Variants in NLRP8 observed in about 807,000 individuals in gnomAD.
NLRP8 encodes the protein NACHT, LRR and PYD domains-containing protein 8.
NLRP8 carries 86 observed loss-of-function variants against 88.7 expected under a neutral mutation model. That is an observed-to-expected ratio of 0.97 (90% CI 0.81 to 1.16). The LOEUF is 1.16. NLRP8 is among the 50% of genes most tolerant of loss of function. The pLI is 0.00. For synonymous variants in NLRP8, 504 were observed against 494.6 expected, an observed-to-expected ratio of 1.02 and a Z score of -0.25; for missense variants, 1,342 against 1,286.5, an observed-to-expected ratio of 1.04 and a Z score of -0.66.
Position 55,968,871 on chromosome 19 carries a change from G to A in NLRP8, c.2382-1673G>A, listed in dbSNP as rs971732334. Among the ~76,000 whole-genome samples the A allele has an allele frequency of 2.0e-5, 3 of 152,178 alleles. 1 individual carries two copies. Among genetic ancestry groups the A allele is most frequent in the African/African-American group, 2.4e-5 (1 of 41,454 alleles). ...CTTGCCAGCTCCTGACCACTGCCCT[G>A]GGGCTGCCATTGTCTACCATACCCA... On this transcript the variant is annotated intron_variant, in intron 5 of 9. Coordinates refer to ENST00000291971, the MANE Select transcript of NLRP8 (RefSeq NM_176811.2).
At chr19:55,964,113 G>A (rs1000297570) in intron 4 of NLRP8, among the ~76,000 whole-genome samples, 6 of 152,194 alleles carry the variant, frequency 3.9e-5, no homozygotes, top group African/African-American at 1.4e-4. Context: ...AATTCACCAT[G>A]TGAACCACTG....
intron 5 of NLRP8, among the ~76,000 whole-genome samples, chr19:55,968,268 G>T (rs758029589): frequency 1.3e-5 from 2 of 151,734 alleles, no homozygotes; most frequent in African/African-American, 4.8e-5. Flanking sequence ...GCAAAACCCC[G>T]TCTCTACGAA....
chr19:55,958,232 C>A (rs536746236), intron 3 of NLRP8, among the ~76,000 whole-genome samples: 1 of 152,288 alleles, frequency 6.6e-6, no homozygotes, highest in Non-Finnish European at 1.5e-5. Flanking sequence ...CGAAAAGGAA[C>A]CACAATCTCT....
intron 9 of NLRP8, among the ~76,000 whole-genome samples, chr19:55,983,640 ATT>A (rs1980670948): frequency 6.6e-6 from 1 of 151,866 alleles, no homozygotes; most frequent in South Asian, 2.1e-4. Context: ...AACAGGGTAG[ATT>A]GTGCCTTAGC....
intron 5 of NLRP8, among the ~76,000 whole-genome samples, chr19:55,969,570 T>C (rs551152050): frequency 6.6e-6 from 1 of 152,342 alleles, no homozygotes; most frequent in East Asian, 1.9e-4. Flanking sequence ...TAAACATGCA[T>C]GTGAAAGTGT....
chr19:55,952,558 C>A lies in NLRP8; in HGVS notation c.388C>A (p.Pro130Thr), dbSNP rs142282393. 290 of 1,613,948 alleles carry A rather than the reference C, an allele frequency of 1.8e-4. 1 individual carries two copies. In the East Asian group the frequency reaches 4.8e-3, roughly 27 times the overall value. ...TACAGCCATTCTGCCTACCTTGGAA[C>A]CAGAGGACTTGAATGTGGGAGAAAC... is the stretch of plus-strand genomic sequence containing the variant. Residue 130 changes from proline to threonine, a missense_variant, in exon 2 of 10, where the codon CCA becomes ACA. Physicochemically the swap from Pro to Thr is conservative, Grantham distance 38. Coordinates refer to ENST00000291971, the MANE Select transcript of NLRP8 (RefSeq NM_176811.2).
chr19:55,964,902 G>C lies in NLRP8; in HGVS notation c.2214-1311G>C, dbSNP rs150038174. Among the ~76,000 whole-genome samples, 676 of 152,262 alleles carry C rather than the reference G, an allele frequency of 4.4e-3. 3 individuals are homozygous for C. Among genetic ancestry groups the C allele is most frequent in the African/African-American group, 0.015 (636 of 41,554 alleles). On this transcript the variant is annotated intron_variant, in intron 4 of 9. Coordinates refer to ENST00000291971, the MANE Select transcript of NLRP8 (RefSeq NM_176811.2). ...AAATCGATTATACCTCAAGGAAACT[G>C]TTTTTAAACAACTAATTAGAAAGAA...
chr19:55,976,012 AC>A (rs1980295301), intron 7 of NLRP8, 120 bp from the exon 8 acceptor site: 2 of 990,008 alleles, frequency 2.0e-6, no homozygotes, highest in Non-Finnish European at 2.8e-6. Flanking sequence ...AACAAAACAA[AC>A]AAATAAAAAC....
chr19:55,977,401 T>TTATATGTAAA (rs928942571), intron 8 of NLRP8, among the ~76,000 whole-genome samples: 6 of 121,658 alleles, frequency 4.9e-5, no homozygotes, highest in Non-Finnish European at 8.5e-5. Context: ...TACGAATATA[T>TTATATGTAAA]TATATGTAAA....
chr19:55,958,146 C>G (rs953243993), intron 3 of NLRP8, among the ~76,000 whole-genome samples: 1 of 152,140 alleles, frequency 6.6e-6, no homozygotes, highest in Non-Finnish European at 1.5e-5. Context: ...GCGATTTAGA[C>G]TGACCCCTGG....
chr19:55,968,753 A>C (rs1360457411), intron 5 of NLRP8, among the ~76,000 whole-genome samples: 1 of 152,160 alleles, frequency 6.6e-6, no homozygotes, highest in African/African-American at 2.4e-5. Flanking sequence ...AAAATAAATA[A>C]ATAAAATAAA....
At chr19:55,985,403 T>A (rs575796799) in intron 9 of NLRP8, among the ~76,000 whole-genome samples, 33 of 152,076 alleles carry the variant, frequency 2.2e-4, no homozygotes, top group Middle Eastern at 6.8e-3. Context: ...ATTGGAGAAA[T>A]ATACTAGGGA....
intron 9 of NLRP8, among the ~76,000 whole-genome samples, chr19:55,986,639 C>T (rs1330414935): frequency 6.6e-6 from 1 of 152,222 alleles, no homozygotes; most frequent in Non-Finnish European, 1.5e-5. Context: ...CAGAAAAGTG[C>T]CTGTTCCCTG....
At chr19:55,961,505 A>T (rs1372289251) in intron 3 of NLRP8, among the ~76,000 whole-genome samples, 2 of 152,188 alleles carry the variant, frequency 1.3e-5, no homozygotes, top group African/African-American at 4.8e-5. Context: ...TCATGTAATT[A>T]AAAAAGCAAT....
intron 3 of NLRP8, among the ~76,000 whole-genome samples, chr19:55,956,468 T>A (rs1053519822): frequency 6.6e-6 from 1 of 152,148 alleles, no homozygotes; most frequent in East Asian, 1.9e-4. Flanking sequence ...GGTCTCAAAC[T>A]CCTGACCTCA....
chr19:55,986,492 ACACACACACACACACACT>A (rs1980844618), intron 9 of NLRP8, among the ~76,000 whole-genome samples: 2 of 150,162 alleles, frequency 1.3e-5, no homozygotes, highest in Admixed American at 6.6e-5. Flanking sequence ...ACACACACAC[ACACACACACACACACACT>A]AATTGCTTCA....
At chr19:55,957,680 TATATA>T (rs1979432022) in intron 3 of NLRP8, among the ~76,000 whole-genome samples, 3 of 1,758 alleles carry the variant, frequency 1.7e-3, no homozygotes. Flanking sequence ...TAATTATATA[TATATA>T]TATATATATA....
Position 55,969,899 on chromosome 19 carries a change from A to T in NLRP8, c.2382-645A>T, listed in dbSNP as rs559358434. On this transcript the variant is annotated intron_variant, in intron 5 of 9. Transcript: ENST00000291971. The stretch of plus-strand genomic sequence containing the variant: ...CTGAATGTCTTTATATAAACAGCCC[A>T]CCTTGAGGCCGAAATCCAGCCCGAG... 2.6e-5 allele frequency among the ~76,000 whole-genome samples: 4 copies of T among 152,292 alleles called. No individual in the cohort carries two copies. In the South Asian group the frequency reaches 8.3e-4, roughly 32 times the overall value.
intron 1 of NLRP8, among the ~76,000 whole-genome samples, chr19:55,951,934 T>C (rs1341252235): frequency 6.6e-6 from 1 of 152,152 alleles, no homozygotes; most frequent in South Asian, 2.1e-4. Flanking sequence ...ATTTTTTTAG[T>C]AGAGTTGAGG....
Sources: gnomAD v4.1 joint callset for allele counts (sites outside exome capture counted in the v4.1 genomes callset) on GRCh38, gnomAD v4.1.1 for gene constraint, MANE v1.5 for transcripts, NCBI Gene and HGNC (gene_info 2026-07-23, HGNC 2026-07-21) for gene names.